Variants in PCDHGA9 observed in about 807,000 individuals in gnomAD.
PCDHGA9 encodes the protein protocadherin gamma subfamily A, 9, also known as protocadherin gamma-A9.
A neutral mutation model predicts 62.5 loss-of-function variants in PCDHGA9; 37 were observed. That is an observed-to-expected ratio of 0.59 (90% CI 0.46 to 0.78). PCDHGA9 has a LOEUF of 0.78. PCDHGA9 is among the 30% of genes least tolerant of loss of function. PCDHGA9 has a pLI of 0.00. For synonymous variants in PCDHGA9, 459 were observed against 484.6 expected (o/e 0.95, Z 0.69); for missense variants, 1,138 against 1,166.2 (o/e 0.98, Z 0.35).
chr5:141,476,157 G>A lies in PCDHGA9; in HGVS notation c.2425-18650G>A. On this transcript the variant is annotated intron_variant, in intron 1 of 3. Transcript: ENST00000573521. The surrounding 1 kb of genome is among the most constrained non-coding windows in gnomAD (Gnocchi z 7.6). ...TGGAGGAGCGGACTGGTAAGCACCG[G>A]GAGGGTAGTGGGAGTTTTGCTTCTG... 1 of 1,612,752 alleles carries A rather than the reference G, an allele frequency of 6.2e-7. No homozygotes were observed. Among genetic ancestry groups the A allele is most frequent in the Non-Finnish European group, 8.5e-7 (1 of 1,179,898 alleles).
intron 3 of PCDHGA9, among the ~76,000 whole-genome samples, chr5:141,508,841 C>A (rs969875150): frequency 6.6e-6 from 1 of 152,140 alleles, no homozygotes; most frequent in East Asian, 1.9e-4. Context: ...TCCCCTACCC[C>A]TTCCATTCCC....
chr5:141,437,881 G>A (rs1317504695), intron 1 of PCDHGA9, among the ~76,000 whole-genome samples: 4 of 152,026 alleles, frequency 2.6e-5, no homozygotes, highest in Admixed American at 2.6e-4. Flanking sequence ...GGGACTACAG[G>A]CACACGCCAC....
intron 1 of PCDHGA9, among the ~76,000 whole-genome samples, chr5:141,470,152 T>C (rs546219809): frequency 2.6e-5 from 4 of 152,308 alleles, no homozygotes; most frequent in African/African-American, 9.6e-5. Context: ...ATAGATCATC[T>C]TATCAAATCA....
intron 1 of PCDHGA9, chr5:141,427,830 C>T (rs749612858): frequency 7.8e-6 from 12 of 1,538,204 alleles, no homozygotes; most frequent in African/African-American, 1.4e-5. Flanking sequence ...GGTCGCGCAG[C>T]GTGCCTTCGA....
At chr5:141,410,535 A>T (rs2095405545) in intron 1 of PCDHGA9, 9 of 1,613,752 alleles carry the variant, frequency 5.6e-6, no homozygotes, top group Non-Finnish European at 7.6e-6. Context: ...TCCAATGAAG[A>T]CATGGTTTGC....
rs1210499024 is a variant in PCDHGA9 at position 141,431,784 on chromosome 5, A to T, written c.2424+26408A>T. ...CTGATCACTGTTCTGGACGTGAACG[A>T]CAATGCCCCAGAAGTGGTCCTCACC... On this transcript the variant is annotated intron_variant, in intron 1 of 3. Transcript: ENST00000573521. This position sits in a 1 kb window ranked among gnomAD's most constrained non-coding sequence, Gnocchi z 4.8. The T allele has an allele frequency of 6.2e-7, 1 of 1,614,102 alleles. No homozygotes were observed. The highest frequency in any genetic ancestry group is 8.5e-7 in the Non-Finnish European group (1 of 1,180,030).
chr5:141,432,482 G>T lies in PCDHGA9; in HGVS notation c.2424+27106G>T, dbSNP rs768206517. 2.5e-6 allele frequency: 4 copies of T among 1,614,060 alleles called. No individual in the cohort carries two copies. Among genetic ancestry groups the T allele is most frequent in the Non-Finnish European group, 3.4e-6 (4 of 1,180,052 alleles). ...CCTCCCCACGGACGGTTCCACTGGC[G>T]TGGAGCTGGCTCCCCGCTCCGCAGA... On this transcript the variant is annotated intron_variant, in intron 1 of 3. Transcript: ENST00000573521. The surrounding 1 kb of genome is among the most constrained non-coding windows in gnomAD (Gnocchi z 6.0).
rs540471918 is a variant in PCDHGA9 at position 141,433,283 on chromosome 5, T to C, written c.2424+27907T>C. ...ATCATAGCTCACTGCAGCCTCAAAC[T>C]CCTAGGCTCAAGCAATTATCCCACC... On this transcript the variant is annotated intron_variant, in intron 1 of 3. Coordinates refer to ENST00000573521, the MANE Select transcript of PCDHGA9 (RefSeq NM_018921.3). The C allele has an allele frequency of 4.2e-5, 50 of 1,183,074 alleles. No homozygotes were observed. In the Admixed American group the frequency reaches 7.9e-4, roughly 19 times the overall value. 73.3% of individuals were successfully genotyped at this position (1,183,074 alleles called of 1,614,324 possible).
intron 2 of PCDHGA9, among the ~76,000 whole-genome samples, chr5:141,495,811 G>A (rs1164360438): frequency 1.3e-5 from 2 of 151,710 alleles, no homozygotes; most frequent in Admixed American, 1.3e-4. Flanking sequence ...GTTTCCTAGC[G>A]CCTTGTGTTC....
intron 1 of PCDHGA9, among the ~76,000 whole-genome samples, chr5:141,425,159 G>C (rs557552439): frequency 6.6e-6 from 1 of 152,126 alleles, no homozygotes; most frequent in South Asian, 2.1e-4. Context: ...AGCATCTAGG[G>C]ATAGGATTTA....
intron 1 of PCDHGA9, among the ~76,000 whole-genome samples, chr5:141,472,742 T>C (rs926507203): frequency 2.0e-5 from 3 of 151,762 alleles, no homozygotes; most frequent in Non-Finnish European, 4.4e-5. Flanking sequence ...TCCCAGCACT[T>C]TGGGAGGCGG....
Position 141,490,318 on chromosome 5 carries a change from C to T in PCDHGA9, c.2425-4489C>T. ...ATTGGCCTCTTTGGCCAACCCTGTCCTAGAGAGCACACCAGTGGGCACAGT... is the reference window on the plus strand; with the variant it reads ...ATTGGCCTCTTTGGCCAACCCTGTCTTAGAGAGCACACCAGTGGGCACAGT... On this transcript the variant is annotated intron_variant, in intron 1 of 3. Transcript: ENST00000573521. The surrounding 1 kb of genome is among the most constrained non-coding windows in gnomAD (Gnocchi z 5.4). 1 of 1,614,220 alleles carries T rather than the reference C, an allele frequency of 6.2e-7. No homozygotes were observed.
intron 1 of PCDHGA9, chr5:141,423,971 G>T: frequency 8.8e-7 from 1 of 1,136,014 alleles, no homozygotes; most frequent in Non-Finnish European, 1.1e-6. Context: ...TCTATTATCA[G>T]TGTATGAGGC....
In PCDHGA9 at chr5:141,404,391, A is replaced by T. The variant is rs773558298; in HGVS notation, c.1439A>T (p.Asp480Val). Residue 480 changes from aspartate to valine, a missense_variant, in exon 1 of 4, where the codon GAT becomes GTT. Transcript: ENST00000573521. ...SIFSVIAYDP[D>V]SNENSRVIYS... ...TTCTCCGTGATTGCCTATGACCCTG[A>T]TAGCAATGAGAATTCTAGAGTTATT... 3.7e-6 allele frequency: 6 copies of T among 1,613,806 alleles called. No homozygotes were observed. Among genetic ancestry groups the T allele is most frequent in the Non-Finnish European group, 5.1e-6 (6 of 1,179,894 alleles).
In PCDHGA9 at chr5:141,415,753, T is replaced by G. The variant is rs763784703; in HGVS notation, c.2424+10377T>G. On this transcript the variant is annotated intron_variant, in intron 1 of 3. Transcript: ENST00000573521. The stretch of plus-strand genomic sequence containing the variant: ...ATGTTTATTAAGGTTTTTTTTTTTT[T>G]TTTTTTTTTTTTTTTTTTTACTTTC... 6.3e-5 allele frequency: 87 copies of G among 1,381,374 alleles called. 1 individual carries two copies. The highest frequency in any genetic ancestry group is 3.3e-4 in the Admixed American group (10 of 29,906). 85.6% of individuals were successfully genotyped at this position (1,381,374 alleles called of 1,614,324 possible).
At chr5:141,416,215 A>G (rs969061407) in intron 1 of PCDHGA9, 1 of 152,400 alleles carries the variant, frequency 6.6e-6, no homozygotes, top group Non-Finnish European at 1.5e-5. Flanking sequence ...ATAACAATGT[A>G]TGCTTAGATT....
At chr5:141,441,779 C>T in intron 1 of PCDHGA9, 2 of 390,030 alleles carry the variant, frequency 5.1e-6, no homozygotes, top group South Asian at 2.0e-5. Context: ...TGGTGGACGA[C>T]CTGAATGACA....
chr5:141,470,791 A>G (rs1234712958), intron 1 of PCDHGA9, among the ~76,000 whole-genome samples: 3 of 152,152 alleles, frequency 2.0e-5, no homozygotes, highest in African/African-American at 7.2e-5. Context: ...GGGCTCAAGC[A>G]ATCCTCCCAC....
chr5:141,486,506 A>C lies in PCDHGA9; in HGVS notation c.2425-8301A>C. The C allele has an allele frequency of 6.2e-7, 1 of 1,614,134 alleles. No individual in the cohort carries two copies. The highest frequency in any genetic ancestry group is 8.5e-7 in the Non-Finnish European group (1 of 1,180,006). Reference sequence around the variant, plus strand: ...TACCCACAGAACTATTTTCCTCAATATTTCAGATGTGAATGATAATCCACC... The same window carrying C: ...TACCCACAGAACTATTTTCCTCAATCTTTCAGATGTGAATGATAATCCACC... On this transcript the variant is annotated intron_variant, in intron 1 of 3. Transcript: ENST00000573521. The surrounding 1 kb of genome is among the most constrained non-coding windows in gnomAD (Gnocchi z 5.0).
Sources: gnomAD v4.1 joint callset for allele counts (sites outside exome capture counted in the v4.1 genomes callset) on GRCh38, gnomAD v4.1.1 for gene constraint, Gnocchi (gnomAD v3.1) non-coding constraint, MANE v1.5 for transcripts, NCBI Gene and HGNC (gene_info 2026-07-23, HGNC 2026-07-21) for gene names.